The following ADGRB3 variants were observed in gnomAD, a reference collection of about 807,000 sequenced individuals.
ADGRB3 encodes adhesion G protein-coupled receptor B3.
Under a neutral mutation model 193.4 loss-of-function variants are expected in ADGRB3, and 37 were observed. The observed-to-expected ratio is 0.19, with a 90% CI of 0.15 to 0.25. The LOEUF is 0.25. ADGRB3 is among the 10% of genes least tolerant of loss of function. The pLI, the probability that ADGRB3 is intolerant of heterozygous loss-of-function variation, is 1.00. For synonymous variants in ADGRB3, 690 were observed against 644.2 expected (o/e 1.07, Z -1.08); for missense variants, 1,637 against 1,852.9 (o/e 0.88, Z 2.14).
chr6:69,184,599 C>T (rs1325678531), intron 17 of ADGRB3, among the ~76,000 whole-genome samples: 3 of 151,986 alleles, frequency 2.0e-5, no homozygotes, highest in South Asian at 2.1e-4. Flanking sequence ...TATAAACTAG[C>T]TTAGCATTAT....
intron 3 of ADGRB3, among the ~76,000 whole-genome samples, chr6:68,657,150 A>G (rs1768509078): frequency 6.6e-6 from 1 of 151,606 alleles, no homozygotes; most frequent in Admixed American, 6.6e-5. Context: ...AAATAAACAC[A>G]TCCTTTCTGT....
At chr6:69,026,647 A>G (rs939458169) in intron 13 of ADGRB3, among the ~76,000 whole-genome samples, 28 of 152,314 alleles carry the variant, frequency 1.8e-4, no homozygotes, top group African/African-American at 6.7e-4. Flanking sequence ...TGCGAACATC[A>G]TAGAATGTAC....
At chr6:68,954,064 A>G (rs1269840409) in intron 6 of ADGRB3, among the ~76,000 whole-genome samples, 1 of 152,298 alleles carries the variant, frequency 6.6e-6, no homozygotes, top group East Asian at 1.9e-4. Flanking sequence ...ATTTTGTGGC[A>G]TATGGGATTG....
intron 3 of ADGRB3, among the ~76,000 whole-genome samples, chr6:68,774,324 C>T (rs1010918705): frequency 3.3e-5 from 5 of 149,932 alleles, no homozygotes; most frequent in Admixed American, 6.7e-5. Context: ...TTTTATGCAA[C>T]CTAATGTCTT....
chr6:69,317,703 A>G (rs1768348446), intron 20 of ADGRB3, among the ~76,000 whole-genome samples: 1 of 151,388 alleles, frequency 6.6e-6, no homozygotes, highest in Non-Finnish European at 1.5e-5. Context: ...TGTCAGTTAA[A>G]CCTTCTTTCC....
intron 17 of ADGRB3, among the ~76,000 whole-genome samples, chr6:69,163,230 A>G (rs1353205057): frequency 1.3e-5 from 2 of 152,134 alleles, no homozygotes; most frequent in Non-Finnish European, 2.9e-5. Context: ...TTCCCCAGAC[A>G]GAAGCTCAAG....
chr6:69,120,042 C>T (rs150356178), intron 17 of ADGRB3, among the ~76,000 whole-genome samples: 2 of 151,992 alleles, frequency 1.3e-5, no homozygotes, highest in African/African-American at 2.4e-5. Flanking sequence ...TTGAAAAATT[C>T]GATTTAGAAT....
intron 16 of ADGRB3, among the ~76,000 whole-genome samples, chr6:69,063,983 G>GA (rs896751619): frequency 6.1e-5 from 9 of 148,332 alleles, no homozygotes; most frequent in South Asian, 2.1e-4. Flanking sequence ...TCTTTACATT[G>GA]AAAAAAAAAT....
At chr6:68,887,284 C>T (rs1334546763) in intron 3 of ADGRB3, among the ~76,000 whole-genome samples, 3 of 152,004 alleles carry the variant, frequency 2.0e-5, no homozygotes, top group Non-Finnish European at 4.4e-5. Context: ...AAAAAATGGG[C>T]TTAACCATTG....
intron 18 of ADGRB3, among the ~76,000 whole-genome samples, chr6:69,234,173 G>A (rs1766212822): frequency 6.6e-6 from 1 of 152,104 alleles, no homozygotes; most frequent in African/African-American, 2.4e-5. Flanking sequence ...ACAATTTGAT[G>A]TGCATATTTG....
At chr6:68,984,033 C>T (rs1044957963) in intron 10 of ADGRB3, among the ~76,000 whole-genome samples, 2 of 152,086 alleles carry the variant, frequency 1.3e-5, no homozygotes, top group African/African-American at 4.8e-5. Flanking sequence ...GCAAAAAGAT[C>T]TACTGGCCAG....
intron 3 of ADGRB3, among the ~76,000 whole-genome samples, chr6:68,829,125 T>G (rs1767906710): frequency 6.9e-6 from 1 of 144,420 alleles, no homozygotes; most frequent in Non-Finnish European, 1.5e-5. Context: ...TTTGAGATGG[T>G]GTCTTGCTCT....
intron 3 of ADGRB3, among the ~76,000 whole-genome samples, chr6:68,663,653 G>A (rs74876959): frequency 0.036 from 5,441 of 151,786 alleles, 150 homozygotes; most frequent in Non-Finnish European, 0.056. Context: ...TTCCTTAGGA[G>A]CCATGAATAG....
chr6:69,207,543 C>G (rs1765567267), intron 17 of ADGRB3, among the ~76,000 whole-genome samples: 1 of 152,092 alleles, frequency 6.6e-6, no homozygotes, highest in Admixed American at 6.5e-5. Context: ...GTAGAAGGTG[C>G]CTGAATTTTA....
intron 17 of ADGRB3, among the ~76,000 whole-genome samples, chr6:69,197,874 C>T (rs1052057244): frequency 6.6e-6 from 1 of 151,974 alleles, no homozygotes; most frequent in Non-Finnish European, 1.5e-5. Context: ...GCTTTTCCTC[C>T]CTTTGTGCCT....
chr6:69,248,132 G>C (rs1242284554), intron 20 of ADGRB3, among the ~76,000 whole-genome samples: 2 of 152,092 alleles, frequency 1.3e-5, no homozygotes, highest in African/African-American at 4.8e-5. Flanking sequence ...CAAACCAGTA[G>C]AGAAATTACA....
intron 3 of ADGRB3, among the ~76,000 whole-genome samples, chr6:68,915,795 A>G (rs191608635): frequency 6.6e-6 from 1 of 152,054 alleles, no homozygotes; most frequent in Non-Finnish European, 1.5e-5. Flanking sequence ...AAGAAAAAAA[A>G]CAAACACTGG....
At chr6:68,952,953 AT>A (rs1362022114) in intron 6 of ADGRB3, among the ~76,000 whole-genome samples, 5 of 152,178 alleles carry the variant, frequency 3.3e-5, no homozygotes, top group African/African-American at 1.2e-4. Flanking sequence ...AACTACAAAT[AT>A]ATGAATTTAA....
At chr6:68,936,068 C>A (rs1020376759) in intron 4 of ADGRB3, among the ~76,000 whole-genome samples, 24 of 152,132 alleles carry the variant, frequency 1.6e-4, no homozygotes, top group African/African-American at 5.8e-4. Context: ...TCCACATCAT[C>A]TAGCATTAGA....
Sources: allele counts gnomAD v4.1 joint callset (sites outside exome capture counted in the v4.1 genomes callset), GRCh38; gene constraint gnomAD v4.1.1; transcripts MANE v1.5; gene names NCBI Gene and HGNC (gene_info 2026-07-23, HGNC 2026-07-21).